PCDH11Y: variants seen among roughly 807,000 people sequenced by gnomAD.
PCDH11Y encodes protocadherin-11 Y-linked.
For missense variants in PCDH11Y, 12 were observed against 224.8 expected, an observed-to-expected ratio of 0.05 and a Z score of 6.05; for synonymous variants, 9 against 83.6, an observed-to-expected ratio of 0.11 and a Z score of 4.87.
At chrY:5,415,934 TTTTTTTG>T (rs2053252618) in intron 2 of PCDH11Y, among the ~76,000 whole-genome samples, 7 of 32,029 alleles carry the variant, frequency 2.2e-4, no homozygotes, top group South Asian at 2.1e-3. Flanking sequence ...TTTTTTTGTT[TTTTTTTG>T]TTTTTTGTTT....
chrY:5,190,955 G>A (rs1602883335), intron 2 of PCDH11Y, among the ~76,000 whole-genome samples: 224 of 33,154 alleles, frequency 6.8e-3, no homozygotes, highest in Admixed American at 0.018. Flanking sequence ...TATTGGGTCA[G>A]TTTCAAGAGA....
chrY:5,328,019 A>G, intron 2 of PCDH11Y, among the ~76,000 whole-genome samples: 1 of 33,255 alleles, frequency 3.0e-5, no homozygotes, highest in African/African-American at 1.2e-4. Context: ...GTGATGGTCT[A>G]CGGGGCTTCT....
rs1464878031 is a variant in PCDH11Y, at chrY:5,023,272, T to C, written c.-133-8634T>C. 2.8e-3 allele frequency among the ~76,000 whole-genome samples: 94 copies of C among 33,690 alleles called. No individual in the cohort carries two copies. In the East Asian group the frequency reaches 0.062, roughly 22 times the overall value. The allele number at this position is 33,690 out of a possible 37,273, so 90.4% of individuals were successfully genotyped here. ...ACTCCCAGTCACACTTAGATGACAGTATATGTGAAAGATGCTTAGGAGAGG... is the reference window on the plus strand; with the variant it reads ...ACTCCCAGTCACACTTAGATGACAGCATATGTGAAAGATGCTTAGGAGAGG... On this transcript the variant is annotated intron_variant, in intron 1 of 5. Transcript: ENST00000333703.
At chrY:5,067,464 C>CA (rs2052688717) in intron 1 of PCDH11Y, among the ~76,000 whole-genome samples, 1 of 30,314 alleles carries the variant, frequency 3.3e-5, no homozygotes. Flanking sequence ...AGGTGTGAAG[C>CA]AAAAAAAAAG....
intron 4 of PCDH11Y, among the ~76,000 whole-genome samples, chrY:5,603,379 A>G: frequency 3.3e-5 from 1 of 30,577 alleles, no homozygotes; most frequent in South Asian, 7.5e-4. Flanking sequence ...TCAACTAATT[A>G]TATGATTTGT....
chrY:5,481,217 A>T, intron 2 of PCDH11Y, among the ~76,000 whole-genome samples: 1 of 32,535 alleles, frequency 3.1e-5, no homozygotes, highest in African/African-American at 1.2e-4. Flanking sequence ...GATTGCAAAA[A>T]CTATGGGAAA....
chrY:5,648,103 G>A, intron 4 of PCDH11Y, among the ~76,000 whole-genome samples: 1 of 32,891 alleles, frequency 3.0e-5, no homozygotes, highest in African/African-American at 1.2e-4. Flanking sequence ...CCTATTATTT[G>A]TAACATTATT....
At chrY:5,045,884 T>C (rs2052635735) in intron 3 of PCDH11Y, among the ~76,000 whole-genome samples, 1 of 33,422 alleles carries the variant, frequency 3.0e-5, no homozygotes, top group African/African-American at 1.2e-4. Flanking sequence ...GCTGATACCC[T>C]TTCTTCCAGT....
At chrY:5,333,763 C>G (rs1602906283) in intron 2 of PCDH11Y, among the ~76,000 whole-genome samples, 1 of 32,385 alleles carries the variant, frequency 3.1e-5, no homozygotes, top group South Asian at 7.1e-4. Context: ...GTGGCAGGCG[C>G]CTCTAGTCCC....
intron 4 of PCDH11Y, among the ~76,000 whole-genome samples, chrY:5,614,667 G>C: frequency 6.5e-5 from 2 of 30,715 alleles, no homozygotes; most frequent in Non-Finnish European, 1.5e-4. Flanking sequence ...TCTCTCCTCT[G>C]TGACATCACT....
At chrY:5,174,629 C>CA (rs2052891009) in intron 2 of PCDH11Y, among the ~76,000 whole-genome samples, 3 of 32,448 alleles carry the variant, frequency 9.2e-5, no homozygotes, top group Non-Finnish European at 1.5e-4. Context: ...TATGTATTAG[C>CA]AAAAAACAGA....
downstream of PCDH11Y, among the ~76,000 whole-genome samples, chrY:5,108,075 CA>C (rs2052796356): frequency 0.16 from 3,641 of 22,217 alleles, no homozygotes; most frequent in African/African-American, 0.6. Flanking sequence ...AAAAAAAAAA[CA>C]AAAAAAAACT....
At chrY:5,393,808 A>C in intron 2 of PCDH11Y, among the ~76,000 whole-genome samples, 3 of 30,169 alleles carry the variant, frequency 9.9e-5, no homozygotes, top group Non-Finnish European at 2.4e-4. Context: ...CTTTGTGATT[A>C]AAAGGATGAA....
intron 3 of PCDH11Y, among the ~76,000 whole-genome samples, chrY:5,534,740 G>A (rs2053398381): frequency 3.0e-5 from 1 of 33,300 alleles, no homozygotes; most frequent in East Asian, 7.9e-4. Flanking sequence ...TGGGTCAAAC[G>A]GTAATTCTAC....
At position 5,280,892 on chromosome Y, in the gene PCDH11Y, T is replaced by A. The variant is rs2124660727; in HGVS notation, c.3129+180185T>A. On this transcript the variant is annotated intron_variant, in intron 2 of 4. Coordinates refer to the PCDH11Y transcript ENST00000400457. Reference sequence around the variant, plus strand: ...GATCATTTTTTTCATGATGGTTGGCTGCATGTATGTCTTCTTTTGAAAAGT... The same window carrying A: ...GATCATTTTTTTCATGATGGTTGGCAGCATGTATGTCTTCTTTTGAAAAGT... Among the ~76,000 whole-genome samples the A allele has an allele frequency of 1.8e-4, 6 of 33,506 alleles. No individual in the cohort carries two copies. The East Asian group carries it at 4.7e-3, about 26-fold the overall frequency. 89.9% of individuals were successfully genotyped at this position (33,506 alleles called of 37,273 possible). A position where few individuals can be genotyped will look rare whatever the true frequency, so the allele number is the denominator to read the frequency against.
chrY:5,547,965 G>A, intron 3 of PCDH11Y, among the ~76,000 whole-genome samples: 1 of 32,266 alleles, frequency 3.1e-5, no homozygotes, highest in Non-Finnish European at 7.6e-5. Flanking sequence ...CACAATCATG[G>A]CAGAAAACAT....
intron 2 of PCDH11Y, among the ~76,000 whole-genome samples, chrY:5,385,752 G>T (rs2053213686): frequency 6.0e-5 from 2 of 33,516 alleles, no homozygotes; most frequent in Non-Finnish European, 1.5e-4. Context: ...TGGAATCCCT[G>T]ATCATTAGTG....
chrY:5,064,535 TG>T, intron 1 of PCDH11Y, among the ~76,000 whole-genome samples: 1 of 27,643 alleles, frequency 3.6e-5, no homozygotes. Context: ...TACAAAGTCT[TG>T]AGGGATAAAA....
At chrY:5,407,054 T>C in intron 2 of PCDH11Y, among the ~76,000 whole-genome samples, 1 of 33,789 alleles carries the variant, frequency 3.0e-5, no homozygotes, top group African/African-American at 1.2e-4. Flanking sequence ...TTATTTTTTA[T>C]TGGTATTCAA....
Sources: allele counts gnomAD v4.1 joint callset (sites outside exome capture counted in the v4.1 genomes callset), GRCh38; gene constraint gnomAD v4.1.1; transcripts MANE v1.5; gene names NCBI Gene and HGNC (gene_info 2026-07-23, HGNC 2026-07-21).